Variants in KIAA0825 observed in about 807,000 individuals in gnomAD.
KIAA0825 encodes KIAA0825.
A neutral mutation model predicts 147.6 loss-of-function variants in KIAA0825; 119 were observed. That is an observed-to-expected ratio of 0.81 (90% CI 0.69 to 0.94). KIAA0825 has a LOEUF of 0.94. Among genes scored for constraint, KIAA0825 ranks in the 40% least tolerant of loss-of-function variants. KIAA0825 has a pLI of 0.00. For missense variants in KIAA0825, 1,381 were observed against 1,472.7 expected (o/e 0.94, Z 1.02); for synonymous variants, 470 against 518.1 (o/e 0.91, Z 1.26).
At chr5:94,186,841 A>G (rs921721106) in intron 20 of KIAA0825, among the ~76,000 whole-genome samples, 1 of 152,184 alleles carries the variant, frequency 6.6e-6, no homozygotes, top group East Asian at 1.9e-4. Flanking sequence ...TAGAGAAAAG[A>G]TGACCAAAAC....
At chr5:94,319,394 A>G (rs192802161) in intron 20 of KIAA0825, among the ~76,000 whole-genome samples, 130 of 152,022 alleles carry the variant, frequency 8.6e-4, no homozygotes, top group Non-Finnish European at 1.5e-3. Context: ...TGCTGATTAC[A>G]GCCCACTAAT....
At chr5:94,369,438 A>C (rs1487405617) in intron 20 of KIAA0825, among the ~76,000 whole-genome samples, 1 of 152,164 alleles carries the variant, frequency 6.6e-6, no homozygotes, top group Non-Finnish European at 1.5e-5. Flanking sequence ...CCAGCCCCTG[A>C]AGGCATTTGA....
Position 94,417,234 on chromosome 5 carries a change from C to G in KIAA0825, c.2629G>C (p.Glu877Gln), listed in dbSNP as rs1489855154. The G allele has an allele frequency of 6.4e-7, 1 of 1,550,822 alleles. No homozygotes were observed. Among genetic ancestry groups the G allele is most frequent in the Non-Finnish European group, 8.7e-7 (1 of 1,146,514 alleles). Residue 877 changes from glutamate (E) to glutamine (Q), a missense_variant, in exon 15 of 21, where the codon GAG (glutamate) becomes CAG (glutamine). By Grantham distance (29) the Glu-to-Gln change is conservative. Coordinates refer to ENST00000682413, the MANE Select transcript of KIAA0825 (RefSeq NM_001145678.3). ...TTATATAAAAAGTCCCATAATTGCT[C>G]TTCTTCCATGTAGCTCACAAAAACG... ...ANVFVSYMEEEQLWDFLYNIP... is the reference protein window; with the variant it reads ...ANVFVSYMEEQQLWDFLYNIP...
intron 1 of KIAA0825, among the ~76,000 whole-genome samples, chr5:94,607,469 C>T (rs1787704870): frequency 6.6e-6 from 1 of 151,332 alleles, no homozygotes; most frequent in African/African-American, 2.4e-5. Flanking sequence ...ATTATCTGTG[C>T]CTGGTGGCAG....
At chr5:94,394,679 T>C (rs1750390877) in intron 17 of KIAA0825, among the ~76,000 whole-genome samples, 1 of 152,216 alleles carries the variant, frequency 6.6e-6, no homozygotes, top group African/African-American at 2.4e-5. Context: ...TAATCAGATA[T>C]ACTATTTTTA....
At chr5:94,534,591 T>C (rs895225386) in intron 3 of KIAA0825, among the ~76,000 whole-genome samples, 3 of 152,198 alleles carry the variant, frequency 2.0e-5, no homozygotes, top group Non-Finnish European at 4.4e-5. Flanking sequence ...ATGTTCCATA[T>C]TGTATTTTCT....
intron 20 of KIAA0825, among the ~76,000 whole-genome samples, chr5:94,379,844 C>CT (rs59886046): frequency 0.026 from 1,459 of 55,732 alleles, 298 homozygotes; most frequent in African/African-American, 0.053. Flanking sequence ...GTATTTTATT[C>CT]TTTTTTTTTT....
At chr5:94,353,521 G>T (rs1354357642) in intron 20 of KIAA0825, among the ~76,000 whole-genome samples, 2 of 151,988 alleles carry the variant, frequency 1.3e-5, no homozygotes, top group Admixed American at 1.3e-4. Flanking sequence ...ATTTTGGGGG[G>T]TATATAATTA....
chr5:94,463,002 A>G (rs1342534780), intron 11 of KIAA0825, among the ~76,000 whole-genome samples: 2 of 151,906 alleles, frequency 1.3e-5, no homozygotes, highest in African/African-American at 4.8e-5. Flanking sequence ...TAAGCTGTCA[A>G]AAAAAGTTAC....
intron 20 of KIAA0825, among the ~76,000 whole-genome samples, chr5:94,293,796 T>C (rs1366601766): frequency 1.3e-5 from 2 of 152,238 alleles, no homozygotes; most frequent in Admixed American, 1.3e-4. Flanking sequence ...TGGGTTCTCA[T>C]GTATTGGGTG....
chr5:94,250,886 T>C (rs141766521), intron 20 of KIAA0825, among the ~76,000 whole-genome samples: 1 of 152,256 alleles, frequency 6.6e-6, no homozygotes, highest in Non-Finnish European at 1.5e-5. Context: ...TAATTCTCCA[T>C]AATGAAAATG....
At chr5:94,346,998 A>G (rs1002010104) in intron 20 of KIAA0825, among the ~76,000 whole-genome samples, 10 of 152,044 alleles carry the variant, frequency 6.6e-5, no homozygotes, top group African/African-American at 2.4e-4. Context: ...CTGGCCCTTC[A>G]GTTTATTTGG....
At chr5:94,457,680 A>G (rs1759289918) in intron 12 of KIAA0825, among the ~76,000 whole-genome samples, 1 of 152,196 alleles carries the variant, frequency 6.6e-6, no homozygotes, top group South Asian at 2.1e-4. Context: ...CTTTGGGCTT[A>G]TGTAGCCAGA....
Position 94,462,466 on chromosome 5 carries a change from T to C in KIAA0825, c.2167A>G (p.Ile723Val). ...LNPHQHTDDK[I>V]FKIHTHCNNL... Reference sequence around the variant, plus strand: ...TTACAATGAGTGTGAATTTTAAAAATTTTATCATCTGTATGCTGATGAGGA... The same window carrying C: ...TTACAATGAGTGTGAATTTTAAAAACTTTATCATCTGTATGCTGATGAGGA... Residue 723 changes from isoleucine to valine, a missense_variant, in exon 12 of 21, where the codon ATT (isoleucine) becomes GTT (valine). By Grantham distance (29) the Ile-to-Val change is conservative. Coordinates refer to ENST00000682413, the MANE Select transcript of KIAA0825 (RefSeq NM_001145678.3). The C allele has an allele frequency of 1.3e-6, 2 of 1,536,530 alleles. No homozygotes were observed. Among genetic ancestry groups the C allele is most frequent in the African/African-American group, 1.4e-5 (1 of 72,738 alleles).
intron 1 of KIAA0825, chr5:94,615,680 G>A (rs981695544): frequency 3.3e-5 from 5 of 152,150 alleles, no homozygotes; most frequent in Non-Finnish European, 5.9e-5. Context: ...TTTTATGAAT[G>A]AGTGTGGAGT....
At chr5:94,431,299 A>T (rs1164400149) in intron 14 of KIAA0825, among the ~76,000 whole-genome samples, 1 of 152,228 alleles carries the variant, frequency 6.6e-6, no homozygotes, top group African/African-American at 2.4e-5. Flanking sequence ...ATGAGAGTTT[A>T]GAGAGATCAA....
chr5:94,164,004 C>T (rs1236361990), intron 20 of KIAA0825, among the ~76,000 whole-genome samples: 1 of 152,112 alleles, frequency 6.6e-6, no homozygotes, highest in Non-Finnish European at 1.5e-5. Context: ...GAGAGATCAA[C>T]CTTAGTTTGT....
chr5:94,584,851 A>G (rs963554936), intron 1 of KIAA0825, among the ~76,000 whole-genome samples: 24 of 152,300 alleles, frequency 1.6e-4, no homozygotes, highest in African/African-American at 5.5e-4. Flanking sequence ...CTCTGCAGAA[A>G]CCCTACATGC....
intron 20 of KIAA0825, among the ~76,000 whole-genome samples, chr5:94,366,634 G>C (rs976837522): frequency 6.6e-6 from 1 of 152,126 alleles, no homozygotes; most frequent in Non-Finnish European, 1.5e-5. Flanking sequence ...CTAAATACCT[G>C]CTAAAGGTTA....
Sources: allele counts gnomAD v4.1 joint callset (sites outside exome capture counted in the v4.1 genomes callset), GRCh38; gene constraint gnomAD v4.1.1; transcripts MANE v1.5; gene names NCBI Gene and HGNC (gene_info 2026-07-23, HGNC 2026-07-21).